Variants in NELL2 observed in about 807,000 individuals in gnomAD.
NELL2 encodes the protein neural EGFL like 2, also known as protein kinase C-binding protein NELL2.
Under a neutral mutation model 109.6 loss-of-function variants are expected in NELL2, and 41 were observed. The observed-to-expected ratio is 0.37, with a 90% CI of 0.29 to 0.49. NELL2 has a LOEUF of 0.49. NELL2 is among the 20% of genes least tolerant of loss of function. The probability of loss-of-function intolerance (pLI) is 0.98; values close to 1 mark genes in which losing one functional copy is unlikely to be tolerated. For missense variants in NELL2, 900 were observed against 1,008.3 expected (o/e 0.89, Z 1.45); for synonymous variants, 355 against 344.7 (o/e 1.03, Z -0.33).
chr12:44,686,017 A>G (rs897402662), intron 12 of NELL2, among the ~76,000 whole-genome samples: 5 of 152,182 alleles, frequency 3.3e-5, no homozygotes, highest in Non-Finnish European at 7.3e-5. Context: ...GTGTTTTCCA[A>G]CTTGGTTCCA....
intron 3 of NELL2, among the ~76,000 whole-genome samples, chr12:44,787,462 T>A (rs1942221175): frequency 1.3e-5 from 2 of 152,282 alleles, no homozygotes; most frequent in African/African-American, 4.8e-5. Flanking sequence ...CATTAAAATT[T>A]ATATGGAAGG....
chr12:44,613,679 C>T (rs1945709957), intron 13 of NELL2, among the ~76,000 whole-genome samples: 1 of 152,014 alleles, frequency 6.6e-6, no homozygotes, highest in Non-Finnish European at 1.5e-5. Flanking sequence ...CTAATGTAAA[C>T]TGTGAGCTTA....
chr12:44,781,143 G>A (rs887241160), intron 3 of NELL2, among the ~76,000 whole-genome samples: 1 of 150,458 alleles, frequency 6.6e-6, no homozygotes, highest in African/African-American at 2.4e-5. Context: ...ATTATGAAAA[G>A]ACTTAAATGA....
chr12:44,774,163 G>A (rs753510724), intron 9 of NELL2, among the ~76,000 whole-genome samples: 11 of 152,180 alleles, frequency 7.2e-5, no homozygotes, highest in Non-Finnish European at 1.3e-4. Flanking sequence ...ACCCAGTTAA[G>A]GGTAGTTACA....
chr12:44,511,282 CTTATA>C (rs1940992384), intron 19 of NELL2, among the ~76,000 whole-genome samples: 1 of 152,130 alleles, frequency 6.6e-6, no homozygotes, highest in African/African-American at 2.4e-5. Context: ...AGCATAGTTT[CTTATA>C]TAAGACTAAC....
intron 15 of NELL2, among the ~76,000 whole-genome samples, chr12:44,550,146 A>C (rs904861421): frequency 6.6e-6 from 1 of 152,180 alleles, no homozygotes; most frequent in Admixed American, 6.5e-5. Flanking sequence ...TGGGGAAAGG[A>C]AAGTCTCTTC....
intron 15 of NELL2, among the ~76,000 whole-genome samples, chr12:44,574,783 T>A (rs1297419603): frequency 6.6e-6 from 1 of 152,214 alleles, no homozygotes; most frequent in Non-Finnish European, 1.5e-5. Context: ...CTCAAATATT[T>A]GCATGGCTTG....
At chr12:44,918,277 GA>G (rs894299010), upstream of NELL2, among the ~76,000 whole-genome samples, 2 of 152,018 alleles carry the variant, frequency 1.3e-5, no homozygotes, top group African/African-American at 4.8e-5. Flanking sequence ...TTAGGGAAAA[GA>G]AAAAAAGACT....
At chr12:44,914,797 T>C (rs75295684), upstream of NELL2, among the ~76,000 whole-genome samples, 1,598 of 152,250 alleles carry the variant, frequency 0.01, 31 homozygotes, top group East Asian at 0.048. Flanking sequence ...ATAATTGTAT[T>C]AGTCATCAGT....
chr12:44,891,425 C>T (rs1356079146), intron 1 of NELL2, among the ~76,000 whole-genome samples: 1 of 152,170 alleles, frequency 6.6e-6, no homozygotes, highest in Non-Finnish European at 1.5e-5. Flanking sequence ...TGCAGGATGT[C>T]CCCATAAAGG....
chr12:44,710,198 G>A (rs906743184), intron 11 of NELL2, among the ~76,000 whole-genome samples: 1 of 152,136 alleles, frequency 6.6e-6, no homozygotes. Flanking sequence ...CAGATCCTAT[G>A]TCCACTTTTA....
chr12:44,814,868 T>C (rs906616767), intron 3 of NELL2, among the ~76,000 whole-genome samples: 2 of 152,216 alleles, frequency 1.3e-5, no homozygotes, highest in African/African-American at 2.4e-5. Context: ...TCATCTGCGA[T>C]AAGAGAAACC....
At chr12:44,724,538 C>T (rs904130631) in intron 9 of NELL2, among the ~76,000 whole-genome samples, 1 of 151,904 alleles carries the variant, frequency 6.6e-6, no homozygotes, top group Non-Finnish European at 1.5e-5. Flanking sequence ...TCTAAGAATA[C>T]AGCTACCCAG....
At chr12:44,752,676 T>C (rs7971937) in intron 9 of NELL2, among the ~76,000 whole-genome samples, 19,792 of 152,164 alleles carry the variant, frequency 0.13, 1,535 homozygotes, top group East Asian at 0.23. Flanking sequence ...ACATAATATA[T>C]TCCCTAAATA....
intron 15 of NELL2, among the ~76,000 whole-genome samples, chr12:44,551,382 T>C (rs568046663): frequency 6.6e-6 from 1 of 152,316 alleles, no homozygotes; most frequent in South Asian, 2.1e-4. Context: ...GTCATGTGCA[T>C]TCACATTTAC....
intron 15 of NELL2, among the ~76,000 whole-genome samples, chr12:44,566,735 T>G (rs2136189878): frequency 6.6e-6 from 1 of 152,344 alleles, no homozygotes; most frequent in South Asian, 2.1e-4. Context: ...TTTCATCATC[T>G]ATACAAACAA....
intron 3 of NELL2, among the ~76,000 whole-genome samples, chr12:44,800,040 T>C (rs1200000982): frequency 1.3e-5 from 2 of 152,090 alleles, no homozygotes; most frequent in Admixed American, 6.6e-5. Context: ...TTCACTCTGA[T>C]ATGAAAAGAT....
At chr12:44,601,623 C>T (rs1945225428) in intron 15 of NELL2, among the ~76,000 whole-genome samples, 1 of 152,080 alleles carries the variant, frequency 6.6e-6, no homozygotes, top group South Asian at 2.1e-4. Flanking sequence ...GTCAAAGAGT[C>T]TCAAACAGTT....
chr12:44,681,434 T>C (rs1948500683), intron 12 of NELL2, among the ~76,000 whole-genome samples: 1 of 151,250 alleles, frequency 6.6e-6, no homozygotes, highest in African/African-American at 2.4e-5. Flanking sequence ...ATTATTATTA[T>C]ACTTTAAGTT....
Sources: gnomAD v4.1 joint callset for allele counts (sites outside exome capture counted in the v4.1 genomes callset) on GRCh38, gnomAD v4.1.1 for gene constraint, MANE v1.5 for transcripts, NCBI Gene and HGNC (gene_info 2026-07-23, HGNC 2026-07-21) for gene names.